The following SLC22A7 variants were observed in gnomAD, a reference collection of about 807,000 sequenced individuals.
The protein encoded by SLC22A7 is hOAT2.
Under a neutral mutation model 62.2 loss-of-function variants are expected in SLC22A7, and 48 were observed. The ratio of observed to expected loss-of-function variants is 0.77; its 90% CI spans 0.61 to 0.98. The LOEUF (loss-of-function observed/expected upper bound fraction) is 0.98. SLC22A7 is among the 50% of genes least tolerant of loss of function. The probability of loss-of-function intolerance (pLI) is 0.00; values close to 1 mark genes in which losing one functional copy is unlikely to be tolerated. For missense variants in SLC22A7, 581 were observed against 703.8 expected (o/e 0.83, Z 1.97); for synonymous variants, 276 against 314.8 (o/e 0.88, Z 1.30).
intron 9 of SLC22A7, chr6:43,303,067 C>T (rs1481686536): frequency 6.4e-6 from 6 of 943,578 alleles, no homozygotes; most frequent in African/African-American, 1.8e-5. Context: ...TAATCAGGGC[C>T]CTCTGTGTTT....
rs777304770 is a variant in SLC22A7, at chr6:43,298,403, CT to C, written c.47del (p.Phe16SerfsTer128). The C allele has an allele frequency of 6.2e-7, 1 of 1,613,976 alleles. No homozygotes were observed. The highest frequency in any genetic ancestry group is 8.5e-7 in the Non-Finnish European group (1 of 1,179,940). On this transcript the variant is annotated frameshift_variant, in exon 1 of 11. Coordinates refer to ENST00000372585, the MANE Select transcript of SLC22A7 (RefSeq NM_153320.2). LOFTEE classifies it high-confidence loss of function. ...TGGAGCAGGTGGGCGGCTTTGGGCCCTTCCAACTGCGGAATGTGGCACTGCT... is the reference window on the plus strand; with the variant it reads ...TGGAGCAGGTGGGCGGCTTTGGGCCCTCCAACTGCGGAATGTGGCACTGCT... ...LLEQVGGFGP[F>X]QLRNVALLAL...
Position 43,299,961 on chromosome 6 carries a change from C to G in SLC22A7, c.722C>G (p.Thr241Arg), listed in dbSNP as rs201886539. 1 of 1,614,152 alleles carries G rather than the reference C, an allele frequency of 6.2e-7. No homozygotes were observed. Among genetic ancestry groups the G allele is most frequent in the Non-Finnish European group, 8.5e-7 (1 of 1,180,034 alleles). The change falls in exon 5 of 11, where the codon ACA (threonine) becomes AGA (arginine). Residue 241 changes from threonine to arginine, a missense_variant. Transcript: ENST00000372585. This position sits in a 1 kb window ranked among gnomAD's most constrained non-coding sequence, Gnocchi z 4.4. ...VAGVLSSTFW[T>R]GGVMLLALVG... ...GGAGTCCTGAGCAGCACCTTCTGGACAGGGGGCGTGATGCTGCTGGCACTG... is the reference window on the plus strand; with the variant it reads ...GGAGTCCTGAGCAGCACCTTCTGGAGAGGGGGCGTGATGCTGCTGGCACTG...
In SLC22A7 at chr6:43,301,145, G is replaced by A; in HGVS notation, c.838G>A (p.Glu280Lys). The change falls in exon 6 of 11, where the codon GAG becomes AAG. Residue 280 changes from glutamate to lysine, a missense_variant. Transcript: ENST00000372585. ...PGILSLWWVP[E>K]SARWLLTQGH... is the part of the protein sequence containing the mutation. Reference sequence around the variant, plus strand: ...TCTGCCTATTCCTAGGTGGGTGCCTGAGTCTGCACGCTGGCTTCTGACCCA... The same window carrying A: ...TCTGCCTATTCCTAGGTGGGTGCCTAAGTCTGCACGCTGGCTTCTGACCCA... The A allele has an allele frequency of 7.4e-6, 12 of 1,614,206 alleles. No homozygotes were observed. Among genetic ancestry groups the A allele is most frequent in the Non-Finnish European group, 1.0e-5 (12 of 1,180,032 alleles).
At chr6:43,300,207 G>A in intron 5 of SLC22A7, 141 bp downstream of exon 5, 2 of 831,760 alleles carry the variant, frequency 2.4e-6, no homozygotes, top group Non-Finnish European at 3.7e-6. Context: ...AAGAGACACA[G>A]AGAAAAAGAG....
At position 43,302,771 on chromosome 6, in the gene SLC22A7, A is replaced by G. The variant is rs1778799466; in HGVS notation, c.1385+8A>G. On this transcript the variant is annotated splice_region_variant and intron_variant, in intron 9 of 10. Transcript: ENST00000372585. This position sits in a 1 kb window ranked among gnomAD's most constrained non-coding sequence, Gnocchi z 5.0. ...GTACCCTACGGTGCTCAGGTGAGGAAGCCTGCAACTGATCTGGGGGTATGG... is the reference window on the plus strand; with the variant it reads ...GTACCCTACGGTGCTCAGGTGAGGAGGCCTGCAACTGATCTGGGGGTATGG... The G allele has an allele frequency of 6.4e-7, 1 of 1,573,070 alleles. No homozygotes were observed. The highest frequency in any genetic ancestry group is 1.7e-5 in the Admixed American group (1 of 58,818).
At chr6:43,303,137 G>A (rs1718083145) in intron 9 of SLC22A7, 4 of 985,254 alleles carry the variant, frequency 4.1e-6, no homozygotes, top group South Asian at 9.4e-5. Flanking sequence ...CCTGAGCCAC[G>A]TCAGACATCC....
intron 5 of SLC22A7, 139 bp downstream of exon 5, chr6:43,300,205 CAGAGAAAAAGAGACAG>C (rs1426301613): frequency 1.7e-5 from 15 of 873,336 alleles, no homozygotes; most frequent in African/African-American, 3.4e-5. Context: ...GAAAGAGACA[CAGAGAAAAAGAGACAG>C]AGAGACAGAG....
Position 43,304,714 on chromosome 6 carries a change from G to A in SLC22A7, c.1636G>A (p.Val546Ile). The A allele has an allele frequency of 1.3e-6, 2 of 1,588,492 alleles. No homozygotes were observed. Among genetic ancestry groups the A allele is most frequent in the East Asian group, 2.3e-5 (1 of 43,324 alleles). The change falls in exon 11 of 11, where the codon GTC becomes ATC. Residue 546 changes from valine to isoleucine, a missense_variant. Val to Ile is a conservative substitution (Grantham distance 29). Transcript: ENST00000372585. ...LQEEEMPMKQ[V>I]QN ...GGAGGAAGAGATGCCCATGAAGCAGGTCCAGAACTAAGTGGGAGTGGAGGC... is the reference window on the plus strand; with the variant it reads ...GGAGGAAGAGATGCCCATGAAGCAGATCCAGAACTAAGTGGGAGTGGAGGC...
chr6:43,299,159 C>T lies in SLC22A7; in HGVS notation c.399+62C>T. On this transcript the variant is annotated intron_variant, in intron 2 of 10. Transcript: ENST00000372585. The surrounding 1 kb of genome is among the most constrained non-coding windows in gnomAD (Gnocchi z 4.4). The stretch of plus-strand genomic sequence containing the variant: ...CGGTGGAGGCAGTCTCCCTGGGAGG[C>T]AGCAGGTCGAGGCCTTCCTTGGGAA... 6.2e-7 allele frequency: 1 copy of T among 1,614,118 alleles called. No homozygotes were observed. Among genetic ancestry groups the T allele is most frequent in the Admixed American group, 1.7e-5 (1 of 60,032 alleles).
In SLC22A7 at chr6:43,298,615, CCCA is replaced by C. The variant is rs746581114; in HGVS notation, c.258_260del (p.Gln87del). ...AGCTCCTGCCTCCGCTTTGCCTATC[CCCA>C]GGCTCTCCCCAACACCACGTTGGGG... On this transcript the variant is annotated inframe_deletion, in exon 1 of 11. Transcript: ENST00000372585. 5 of 1,604,552 alleles carry C rather than the reference CCCA, an allele frequency of 3.1e-6. No individual in the cohort carries two copies. Among genetic ancestry groups the C allele is most frequent in the Non-Finnish European group, 4.3e-6 (5 of 1,174,334 alleles).
rs774665696 is a variant in SLC22A7 at position 43,299,088 on chromosome 6, C to T, written c.394-4C>T. On this transcript the variant is annotated splice_region_variant and splice_polypyrimidine_tract_variant and intron_variant, in intron 1 of 10. Transcript: ENST00000372585. The surrounding 1 kb of genome is among the most constrained non-coding windows in gnomAD (Gnocchi z 4.4). ...GCCTTCTTTTCTCCCTTCCTCTTTT[C>T]CAGTCCCAGGTCGGTATTTACATAA... 27 of 1,595,100 alleles carry T rather than the reference C, an allele frequency of 1.7e-5. No homozygotes were observed. The East Asian group carries it at 5.2e-4, about 30-fold the overall frequency.
Position 43,299,625 on chromosome 6 carries a change from A to G in SLC22A7, c.504-2A>G, listed in dbSNP as rs781670190. The G allele has an allele frequency of 6.2e-7, 1 of 1,614,098 alleles. No homozygotes were observed. Among genetic ancestry groups the G allele is most frequent in the Non-Finnish European group, 8.5e-7 (1 of 1,180,012 alleles). The stretch of plus-strand genomic sequence containing the variant: ...AACTGACCCTGCATGACCCCTTTGC[A>G]GGTTTGGGCGGCGGCGTCTGCTGCT... On this transcript the variant is annotated splice_acceptor_variant, in intron 3 of 10. Transcript: ENST00000372585. LOFTEE classifies it high-confidence loss of function. This position sits in a 1 kb window ranked among gnomAD's most constrained non-coding sequence, Gnocchi z 4.4.
chr6:43,300,165 G>C, intron 5 of SLC22A7, 99 bp downstream of exon 5: 5 of 1,250,440 alleles, frequency 4.0e-6, no homozygotes, highest in South Asian at 1.4e-5. Context: ...GAGAGATGAA[G>C]GGAAAGAGAA....
At position 43,298,618 on chromosome 6, in the gene SLC22A7, A is replaced by G. The variant is rs765714383; in HGVS notation, c.260A>G (p.Gln87Arg). Residue 87 changes from glutamine (Q) to arginine (R), a missense_variant, in exon 1 of 11, where the codon CAG (glutamine) becomes CGG (arginine). By Grantham distance (43) the Gln-to-Arg change is conservative. Coordinates refer to ENST00000372585, the MANE Select transcript of SLC22A7 (RefSeq NM_153320.2). ...TCCTGCCTCCGCTTTGCCTATCCCC[A>G]GGCTCTCCCCAACACCACGTTGGGG... ...LSSCLRFAYP[Q>R]ALPNTTLGEE... The G allele has an allele frequency of 1.9e-6, 3 of 1,604,702 alleles. No individual in the cohort carries two copies. In the South Asian group the frequency reaches 3.4e-5, roughly 18 times the overall value.
upstream of SLC22A7, among the ~76,000 whole-genome samples, chr6:43,296,617 C>T (rs922247410): frequency 6.6e-6 from 1 of 152,176 alleles, no homozygotes; most frequent in Non-Finnish European, 1.5e-5. Flanking sequence ...GAGGTTTGGG[C>T]ATCCACTTGG....
chr6:43,301,787 G>A (rs1329570508), intron 7 of SLC22A7, 95 bp downstream of exon 7: 4 of 840,212 alleles, frequency 4.8e-6, no homozygotes, highest in Admixed American at 2.4e-5. Flanking sequence ...TGAGGGACAA[G>A]TAGAGTGTCA....
At chr6:43,303,759 C>T (rs75265455) in intron 9 of SLC22A7, among the ~76,000 whole-genome samples, 2 of 152,342 alleles carry the variant, frequency 1.3e-5, no homozygotes, top group East Asian at 3.9e-4. Context: ...TCCACATCAC[C>T]CTTTCCTTAT....
Position 43,299,586 on chromosome 6 carries a change from C to G in SLC22A7, c.504-41C>G, listed in dbSNP as rs766060835. Reference sequence around the variant, plus strand: ...GCCTAGTCTACCTATGCCTTAGAACCTCCTTCCACAGGGAACTGACCCTGC... The same window carrying G: ...GCCTAGTCTACCTATGCCTTAGAACGTCCTTCCACAGGGAACTGACCCTGC... On this transcript the variant is annotated intron_variant, in intron 3 of 10. Coordinates refer to ENST00000372585, the MANE Select transcript of SLC22A7 (RefSeq NM_153320.2). This position sits in a 1 kb window ranked among gnomAD's most constrained non-coding sequence, Gnocchi z 4.4. 5 of 1,613,742 alleles carry G rather than the reference C, an allele frequency of 3.1e-6. No individual in the cohort carries two copies. The Admixed American group carries it at 6.7e-5, about 22-fold the overall frequency.
At position 43,302,242 on chromosome 6, in the gene SLC22A7, G is replaced by T; in HGVS notation, c.1104G>T (p.Val368=). Residue 368 remains valine (V), a synonymous_variant, in exon 8 of 11, where the codon GTG becomes GTT. Coordinates refer to ENST00000372585, the MANE Select transcript of SLC22A7 (RefSeq NM_153320.2). The surrounding 1 kb of genome is among the most constrained non-coding windows in gnomAD (Gnocchi z 5.0). ...NFSYYGLSLD[V]SGLGLNVYQT... is the part of the protein sequence containing the mutation. ...CCTATTACGGCCTGAGTCTGGATGTGTCGGGGCTGGGGCTGAACGTGTACC... is the reference window on the plus strand; with the variant it reads ...CCTATTACGGCCTGAGTCTGGATGTTTCGGGGCTGGGGCTGAACGTGTACC... 4 of 1,608,498 alleles carry T rather than the reference G, an allele frequency of 2.5e-6. No individual in the cohort carries two copies. Among genetic ancestry groups the T allele is most frequent in the Non-Finnish European group, 3.4e-6 (4 of 1,176,468 alleles).
Sources: allele counts gnomAD v4.1 joint callset (sites outside exome capture counted in the v4.1 genomes callset), GRCh38; gene constraint gnomAD v4.1.1; non-coding constraint Gnocchi (gnomAD v3.1); transcripts MANE v1.5; gene names NCBI Gene and HGNC (gene_info 2026-07-23, HGNC 2026-07-21).